LHFPL2: variants seen among roughly 807,000 people sequenced by gnomAD.
The protein encoded by LHFPL2 is LHFPL tetraspan subfamily member 2 protein.
LHFPL2 carries 7 observed loss-of-function variants against 17.5 expected under a neutral mutation model. The ratio of observed to expected loss-of-function variants is 0.40; its 90% CI spans 0.23 to 0.75. The LOEUF (loss-of-function observed/expected upper bound fraction) is 0.75, where lower values mean the gene tolerates loss of function less well. Among genes scored for constraint, LHFPL2 ranks in the 30% least tolerant of loss-of-function variants. The probability of loss-of-function intolerance (pLI) is 0.37; values close to 1 mark genes in which losing one functional copy is unlikely to be tolerated. For synonymous variants in LHFPL2, 134 were observed against 116.2 expected (o/e 1.15, Z -0.99); for missense variants, 241 against 294.8 (o/e 0.82, Z 1.34).
At chr5:78,629,420 T>C (rs1745168052) in intron 2 of LHFPL2, among the ~76,000 whole-genome samples, 2 of 152,346 alleles carry the variant, frequency 1.3e-5, no homozygotes, top group South Asian at 4.1e-4. Flanking sequence ...AAGTAAATGG[T>C]GGTTCCTAAA....
At chr5:78,558,138 C>T (rs756972661) in intron 3 of LHFPL2, among the ~76,000 whole-genome samples, 8 of 152,120 alleles carry the variant, frequency 5.3e-5, no homozygotes, top group Non-Finnish European at 1.2e-4. Context: ...TAGTGGCAAG[C>T]AGGGTTTGCT....
At chr5:78,616,238 T>C (rs1744604435) in intron 2 of LHFPL2, among the ~76,000 whole-genome samples, 1 of 152,192 alleles carries the variant, frequency 6.6e-6, no homozygotes, top group Non-Finnish European at 1.5e-5. Flanking sequence ...GCCATTCTTC[T>C]GCCTCAACCT....
intron 2 of LHFPL2, among the ~76,000 whole-genome samples, chr5:78,622,947 T>C (rs1744910867): frequency 6.6e-6 from 1 of 152,068 alleles, no homozygotes; most frequent in South Asian, 2.1e-4. Flanking sequence ...GAAACTGGGG[T>C]GATGATTGGG....
chr5:78,511,734 A>G (rs1049786929), intron 3 of LHFPL2, among the ~76,000 whole-genome samples: 5 of 152,234 alleles, frequency 3.3e-5, no homozygotes, highest in Admixed American at 6.5e-5. Context: ...CCTAGTGAGC[A>G]TGTGACTCTA....
At chr5:78,493,956 G>A (rs1025018561) in intron 4 of LHFPL2, among the ~76,000 whole-genome samples, 1 of 152,178 alleles carries the variant, frequency 6.6e-6, no homozygotes, top group Non-Finnish European at 1.5e-5. Flanking sequence ...CATAGGTTAC[G>A]TCCAGAGGCC....
At chr5:78,492,170 G>A (rs991805930) in intron 4 of LHFPL2, among the ~76,000 whole-genome samples, 12 of 152,194 alleles carry the variant, frequency 7.9e-5, no homozygotes, top group Non-Finnish European at 1.8e-4. Flanking sequence ...AGCCCGGCAC[G>A]CAAAGGCACT....
At chr5:78,554,135 G>A (rs968325074) in intron 3 of LHFPL2, among the ~76,000 whole-genome samples, 5 of 152,210 alleles carry the variant, frequency 3.3e-5, no homozygotes, top group Non-Finnish European at 7.3e-5. Flanking sequence ...GAAGTGTCTC[G>A]CTTAGACAGA....
At chr5:78,511,147 A>G (rs539453666) in intron 3 of LHFPL2, among the ~76,000 whole-genome samples, 1 of 152,214 alleles carries the variant, frequency 6.6e-6, no homozygotes, top group South Asian at 2.1e-4. Context: ...ACTTGGGGAA[A>G]TTATTTTTAA....
At chr5:78,644,968 G>A (rs1208883060) in intron 1 of LHFPL2, 1 of 152,368 alleles carries the variant, frequency 6.6e-6, no homozygotes, top group Non-Finnish European at 1.5e-5. Flanking sequence ...CATTGCATGC[G>A]AAACAATTTG....
chr5:78,623,444 C>A (rs931040900), intron 2 of LHFPL2, among the ~76,000 whole-genome samples: 1 of 152,142 alleles, frequency 6.6e-6, no homozygotes, highest in African/African-American at 2.4e-5. Flanking sequence ...TGGTTATAGA[C>A]CCCCATAGAT....
At chr5:78,557,210 A>G (rs893561031) in intron 3 of LHFPL2, among the ~76,000 whole-genome samples, 2 of 152,238 alleles carry the variant, frequency 1.3e-5, no homozygotes, top group African/African-American at 4.8e-5. Flanking sequence ...CATACAACAC[A>G]GAATACCACA....
rs191981460 is a variant in LHFPL2 at position 78,509,353 on chromosome 5, T to C, written c.430+431A>G. Reference sequence around the variant, plus strand: ...ATGCGGAAAGCAGGCTTGCTGCTTCTTAATGAGCGCCCCCGCTTACATTCC... The same window carrying C: ...ATGCGGAAAGCAGGCTTGCTGCTTCCTAATGAGCGCCCCCGCTTACATTCC... On this transcript the variant is annotated intron_variant, in intron 4 of 4. Coordinates refer to ENST00000380345, the MANE Select transcript of LHFPL2 (RefSeq NM_005779.3). Among the ~76,000 whole-genome samples the C allele has an allele frequency of 1.5e-3, 234 of 152,334 alleles. 1 individual carries two copies. The highest frequency in any genetic ancestry group is 5.4e-3 in the African/African-American group (224 of 41,584).
At chr5:78,495,576 A>C (rs768029602) in intron 4 of LHFPL2, among the ~76,000 whole-genome samples, 2 of 152,194 alleles carry the variant, frequency 1.3e-5, no homozygotes, top group Non-Finnish European at 2.9e-5. Flanking sequence ...AACAGAAACA[A>C]AAGAAGGTCA....
At chr5:78,563,289 A>G (rs1756777110) in intron 3 of LHFPL2, among the ~76,000 whole-genome samples, 1 of 152,244 alleles carries the variant, frequency 6.6e-6, no homozygotes, top group Non-Finnish European at 1.5e-5. Flanking sequence ...ATCACATGTA[A>G]TAAGTTCTTT....
At chr5:78,549,649 G>GT (rs1554054824) in intron 3 of LHFPL2, among the ~76,000 whole-genome samples, 1 of 152,230 alleles carries the variant, frequency 6.6e-6, no homozygotes, top group Non-Finnish European at 1.5e-5. Context: ...TTCATCAGGA[G>GT]TAAGTTTATA....
intron 2 of LHFPL2, among the ~76,000 whole-genome samples, chr5:78,582,843 T>C (rs1285047761): frequency 6.6e-6 from 1 of 152,208 alleles, no homozygotes. Context: ...GGTATCCTTG[T>C]TGACTTTCTG....
At chr5:78,624,838 T>G (rs1440236391) in intron 2 of LHFPL2, 4 of 151,710 alleles carry the variant, frequency 2.6e-5, no homozygotes, top group African/African-American at 9.7e-5. Flanking sequence ...GGAGTTTCGC[T>G]CGTCACCCAG....
chr5:78,502,446 C>G (rs1005508320), intron 4 of LHFPL2, among the ~76,000 whole-genome samples: 1 of 152,198 alleles, frequency 6.6e-6, no homozygotes, highest in African/African-American at 2.4e-5. Context: ...CTAACCTAGC[C>G]AGATGATTCC....
At chr5:78,611,931 T>A (rs946640478) in intron 2 of LHFPL2, among the ~76,000 whole-genome samples, 5 of 152,198 alleles carry the variant, frequency 3.3e-5, no homozygotes, top group African/African-American at 1.2e-4. Flanking sequence ...CATGCACACA[T>A]GGTAGGAGCT....
Sources: gnomAD v4.1 joint callset for allele counts (sites outside exome capture counted in the v4.1 genomes callset) on GRCh38, gnomAD v4.1.1 for gene constraint, MANE v1.5 for transcripts, NCBI Gene and HGNC (gene_info 2026-07-23, HGNC 2026-07-21) for gene names.